The following GDPD4 variants were observed in gnomAD, a reference collection of about 807,000 sequenced individuals.
GDPD4 encodes glycerophosphodiester phosphodiesterase domain containing 4.
In GDPD4, 60 loss-of-function variants were observed where a neutral mutation model predicts 67.8. That is an observed-to-expected ratio of 0.88 (90% CI 0.72 to 1.10). The LOEUF is 1.10. Among genes scored for constraint, GDPD4 ranks in the 50% least tolerant of loss-of-function variants. GDPD4 has a pLI of 0.00. For missense variants in GDPD4, 623 were observed against 613.9 expected (o/e 1.01, Z -0.16); for synonymous variants, 212 against 210.9 (o/e 1.00, Z -0.04).
intron 16 of GDPD4, 112 bp downstream of exon 16, chr11:77,227,752 C>G: frequency 1.3e-6 from 1 of 747,400 alleles, no homozygotes; most frequent in Non-Finnish European, 2.4e-6. Flanking sequence ...ACCCCACCCC[C>G]AACTTTCCAG....
chr11:77,256,069 C>T (rs1036513420), intron 11 of GDPD4, among the ~76,000 whole-genome samples: 5 of 152,142 alleles, frequency 3.3e-5, no homozygotes, highest in South Asian at 2.1e-4. Context: ...GTTCCAATAA[C>T]GACCAAGAAA....
chr11:77,289,439 C>T (rs1039242154), intron 1 of GDPD4, among the ~76,000 whole-genome samples: 17 of 146,150 alleles, frequency 1.2e-4, no homozygotes, highest in African/African-American at 3.8e-4. Context: ...GAAGGCAGGC[C>T]GGCTGGCCAT....
chr11:77,277,055 T>C (rs1386288939), intron 4 of GDPD4, among the ~76,000 whole-genome samples: 1 of 152,026 alleles, frequency 6.6e-6, no homozygotes, highest in Non-Finnish European at 1.5e-5. Flanking sequence ...CAAAAAGAAG[T>C]AGGGTAGAGT....
intron 11 of GDPD4, among the ~76,000 whole-genome samples, chr11:77,254,711 A>G (rs1958971641): frequency 6.6e-6 from 1 of 152,178 alleles, no homozygotes; most frequent in South Asian, 2.1e-4. Flanking sequence ...GGCTAAAGAA[A>G]CAGGAATTCA....
At chr11:77,255,134 C>A (rs1487723314) in intron 11 of GDPD4, among the ~76,000 whole-genome samples, 2 of 150,694 alleles carry the variant, frequency 1.3e-5, no homozygotes, top group African/African-American at 4.9e-5. Context: ...AGCACCTAAA[C>A]ACCCTAAACA....
intron 13 of GDPD4, among the ~76,000 whole-genome samples, chr11:77,235,454 AGTGTG>A (rs1487441477): frequency 5.9e-5 from 9 of 152,246 alleles, no homozygotes; most frequent in Non-Finnish European, 1.5e-5. Context: ...TAAGCAAGCT[AGTGTG>A]GTATTAGAGG....
At chr11:77,280,447 G>A (rs1193308083) in intron 3 of GDPD4, among the ~76,000 whole-genome samples, 2 of 151,062 alleles carry the variant, frequency 1.3e-5, no homozygotes, top group Non-Finnish European at 2.9e-5. Flanking sequence ...CATGAAATCT[G>A]GCCTTAATAG....
At chr11:77,222,353 C>T (rs1426326716) in intron 16 of GDPD4, among the ~76,000 whole-genome samples, 2 of 152,148 alleles carry the variant, frequency 1.3e-5, no homozygotes, top group African/African-American at 4.8e-5. Context: ...TTTGCAGTGG[C>T]TGGTACTGGT....
intron 3 of GDPD4, among the ~76,000 whole-genome samples, chr11:77,280,415 T>A (rs1000251142): frequency 2.1e-5 from 3 of 141,808 alleles, no homozygotes; most frequent in Non-Finnish European, 4.7e-5. Context: ...TGAAAAAAAA[T>A]TTTCGAAATT....
intron 10 of GDPD4, among the ~76,000 whole-genome samples, chr11:77,263,006 A>G (rs1959150019): frequency 6.6e-6 from 1 of 152,136 alleles, no homozygotes; most frequent in Admixed American, 6.5e-5. Flanking sequence ...AACAACTGTC[A>G]ACTTAGAATT....
At chr11:77,276,678 C>A (rs1472933804) in intron 4 of GDPD4, among the ~76,000 whole-genome samples, 1 of 152,192 alleles carries the variant, frequency 6.6e-6, no homozygotes, top group African/African-American at 2.4e-5. Context: ...TTGTCAACCA[C>A]TGTTGTTAAC....
At position 77,285,106 on chromosome 11, in the gene GDPD4, C is replaced by T. The variant is rs759673381; in HGVS notation, c.32G>A (p.Ser11Asn). MLLFLWIETS[S>N]EYFNFDWVTF... The stretch of plus-strand genomic sequence containing the variant: ...TCACCAGTCAAAGTTAAAGTATTCA[C>T]TGGATGTTTCTATCCACAGGAACAG... The change falls in exon 3 of 17, where the codon AGT becomes AAT. Residue 11 changes from serine (S) to asparagine (N), a missense_variant. Physicochemically the swap from Ser to Asn is conservative, Grantham distance 46. Transcript: ENST00000315938. The T allele has an allele frequency of 6.2e-7, 1 of 1,612,596 alleles. No individual in the cohort carries two copies. Among genetic ancestry groups the T allele is most frequent in the South Asian group, 1.1e-5 (1 of 90,972 alleles).
rs1958406579 is a variant in GDPD4, at chr11:77,229,217, C to G, written c.1405G>C (p.Val469Leu). Reference sequence around the variant, plus strand: ...ATATCTGCAAGGAGCCACATGAACACATAGAACTTTGGTGTCTGAAAAACA... The same window carrying G: ...ATATCTGCAAGGAGCCACATGAACAGATAGAACTTTGGTGTCTGAAAAACA... Reference protein sequence around the residue: ...PHFFMTPKFYVFMWLLADIIS... With the variant: ...PHFFMTPKFYLFMWLLADIIS... The change falls in exon 15 of 17, where the codon GTG (valine) becomes CTG (leucine). Residue 469 changes from valine (V) to leucine (L), a missense_variant. By Grantham distance (32) the Val-to-Leu change is conservative. Transcript: ENST00000315938. The G allele has an allele frequency of 1.9e-6, 3 of 1,603,450 alleles. No homozygotes were observed. The African/African-American group carries it at 4.0e-5, about 22-fold the overall frequency.
rs761199186 is a variant in GDPD4, at chr11:77,217,295, C to T, written c.1545G>A (p.Lys515=). Residue 515 remains lysine, a synonymous_variant, in exon 17 of 17, where the codon AAG becomes AAA. Coordinates refer to ENST00000315938, the MANE Select transcript of GDPD4 (RefSeq NM_182833.3). The stretch of plus-strand genomic sequence containing the variant: ...TATCTATCTATCTATCTTCCTCATT[C>T]TTACTTCCACTCTGAGTATCTGTGG... ...STRTDTQSGS[K]NEEDR The T allele has an allele frequency of 3.7e-6, 6 of 1,607,586 alleles. No homozygotes were observed. The African/African-American group carries it at 5.3e-5, about 14-fold the overall frequency.
chr11:77,234,484 C>G (rs1331734773), intron 13 of GDPD4, among the ~76,000 whole-genome samples: 1 of 152,098 alleles, frequency 6.6e-6, no homozygotes, highest in Non-Finnish European at 1.5e-5. Context: ...GTTTTCCAAC[C>G]CTTTCCCCTG....
chr11:77,255,039 G>GT, intron 11 of GDPD4, among the ~76,000 whole-genome samples: 1 of 152,180 alleles, frequency 6.6e-6, no homozygotes, highest in East Asian at 1.9e-4. Flanking sequence ...TAAAGATAAA[G>GT]TCTCCAGACA....
intron 16 of GDPD4, among the ~76,000 whole-genome samples, chr11:77,222,468 TTC>T (rs1163829513): frequency 6.6e-6 from 1 of 152,238 alleles, no homozygotes; most frequent in Non-Finnish European, 1.5e-5. Context: ...TGTGATTTAT[TTC>T]TCTTTCACTT....
chr11:77,270,623 C>T (rs7928731), intron 7 of GDPD4, among the ~76,000 whole-genome samples: 52,460 of 152,016 alleles, frequency 0.35, 9,320 homozygotes, highest in Admixed American at 0.47. Flanking sequence ...GCTGGAGAAT[C>T]GCTTGAACCC....
intron 1 of GDPD4, 136 bp downstream of exon 1, chr11:77,301,469 G>A (rs980654340): frequency 2.6e-5 from 4 of 152,196 alleles, no homozygotes; most frequent in Non-Finnish European, 5.9e-5. Context: ...CTCGAGAGGG[G>A]ACACAAACGA....
Sources: gnomAD v4.1 joint callset for allele counts (sites outside exome capture counted in the v4.1 genomes callset) on GRCh38, gnomAD v4.1.1 for gene constraint, MANE v1.5 for transcripts, NCBI Gene and HGNC (gene_info 2026-07-23, HGNC 2026-07-21) for gene names.